LRP1B: variants seen among roughly 807,000 people sequenced by gnomAD.
LRP1B encodes LDL receptor related protein 1B.
In LRP1B, 217 loss-of-function variants were observed where a neutral mutation model predicts 556.6. That is an observed-to-expected ratio of 0.39 (90% confidence interval 0.35 to 0.44). The LOEUF (loss-of-function observed/expected upper bound fraction) is 0.44, where lower values mean the gene tolerates loss of function less well. Among genes scored for constraint, LRP1B ranks in the 20% least tolerant of loss-of-function variants. The probability of loss-of-function intolerance (pLI) is 1.00; values close to 1 mark genes in which losing one functional copy is unlikely to be tolerated. For missense variants in LRP1B, 5,053 were observed against 5,620.8 expected, an observed-to-expected ratio of 0.90 and a Z score of 3.23; for synonymous variants, 2,047 against 1,865.8, an observed-to-expected ratio of 1.10 and a Z score of -2.50.
chr2:140,886,658 T>TG (rs201761807), intron 23 of LRP1B, among the ~76,000 whole-genome samples: 1,597 of 152,046 alleles, frequency 0.011, 23 homozygotes, highest in African/African-American at 0.032. Flanking sequence ...GACAACTTAA[T>TG]GCTCAGAAAA....
intron 1 of LRP1B, among the ~76,000 whole-genome samples, chr2:142,067,777 C>T (rs1234849302): frequency 6.6e-6 from 1 of 151,588 alleles, no homozygotes; most frequent in Non-Finnish European, 1.5e-5. Flanking sequence ...TGAAAATCTA[C>T]AGACCATAGC....
intron 1 of LRP1B, among the ~76,000 whole-genome samples, chr2:141,926,816 T>C (rs1431230085): frequency 2.6e-5 from 4 of 152,168 alleles, no homozygotes; most frequent in East Asian, 1.9e-4. Context: ...AACCACAACG[T>C]TGTCAATACA....
At chr2:140,538,458 TA>T (rs1257820630) in intron 45 of LRP1B, among the ~76,000 whole-genome samples, 4 of 152,156 alleles carry the variant, frequency 2.6e-5, no homozygotes, top group Admixed American at 1.3e-4. Flanking sequence ...CTCCCAGTTA[TA>T]AATTAGAACA....
chr2:141,998,313 AAAAC>A (rs997443546), intron 1 of LRP1B, among the ~76,000 whole-genome samples: 10 of 152,190 alleles, frequency 6.6e-5, no homozygotes, highest in East Asian at 1.9e-4. Flanking sequence ...AAAAAGAGAA[AAAAC>A]AAACAAACAA....
chr2:141,298,234 A>G (rs1686255142), intron 3 of LRP1B, among the ~76,000 whole-genome samples: 2 of 152,192 alleles, frequency 1.3e-5, no homozygotes, highest in African/African-American at 4.8e-5. Context: ...TGTGTAGTAA[A>G]AATGTGGCCT....
At chr2:141,565,100 C>A (rs1183697940) in intron 2 of LRP1B, among the ~76,000 whole-genome samples, 1 of 152,036 alleles carries the variant, frequency 6.6e-6, no homozygotes, top group Non-Finnish European at 1.5e-5. Context: ...ACTATTAGAG[C>A]CACCTAAATA....
chr2:140,299,846 G>A (rs754654055), intron 83 of LRP1B, among the ~76,000 whole-genome samples: 11 of 152,092 alleles, frequency 7.2e-5, no homozygotes, highest in Admixed American at 2.6e-4. Flanking sequence ...TAAACAGTGC[G>A]TAAAGTACAA....
chr2:140,735,278 C>A (rs1002200788), intron 35 of LRP1B, among the ~76,000 whole-genome samples: 14 of 152,146 alleles, frequency 9.2e-5, no homozygotes, highest in African/African-American at 3.4e-4. Context: ...AAAAAGGAAA[C>A]AATGCCTATA....
At position 140,982,273 on chromosome 2, in the gene LRP1B, C is replaced by A; in HGVS notation, c.2774G>T (p.Arg925Ile). The change falls in exon 18 of 91, where the codon AGA (arginine) becomes ATA (isoleucine). Residue 925 changes from arginine (R) to isoleucine (I), a missense_variant. Physicochemically the swap from Arg to Ile is moderately conservative, Grantham distance 97. Around this residue, in one of 5 missense-constraint regions of LRP1B, gnomAD observed 3,619 missense variants for 3,931.9 expected, o/e 0.92. Coordinates refer to ENST00000389484, the MANE Select transcript of LRP1B (RefSeq NM_018557.3). ...AGAAAACTGGTCTACCTGGCATGTT[C>A]TGGCTATGATGATCAATTAATAAAC... ...EDESNQTCTA[R>I]TCQVDQFSCG... The A allele has an allele frequency of 1.2e-6, 2 of 1,608,106 alleles. No individual in the cohort carries two copies. Among genetic ancestry groups the A allele is most frequent in the Non-Finnish European group, 1.7e-6 (2 of 1,174,970 alleles).
chr2:140,424,079 C>G (rs1472305440), intron 66 of LRP1B, among the ~76,000 whole-genome samples: 2 of 152,054 alleles, frequency 1.3e-5, no homozygotes, highest in African/African-American at 4.8e-5. Context: ...TCTGTATTGA[C>G]AAAATCTGAA....
intron 7 of LRP1B, among the ~76,000 whole-genome samples, chr2:141,073,978 C>T (rs562671301): frequency 6.6e-6 from 1 of 152,166 alleles, no homozygotes; most frequent in East Asian, 1.9e-4. Flanking sequence ...AGCACATTAA[C>T]ATGAAAAGTA....
chr2:141,169,578 G>A, intron 7 of LRP1B, among the ~76,000 whole-genome samples: 1 of 151,552 alleles, frequency 6.6e-6, no homozygotes. Context: ...AATTATGAGG[G>A]CAATAGCGAC....
rs192758965 is a variant in LRP1B, at chr2:140,869,728, G to T, written c.4170-1465C>A. Among the ~76,000 whole-genome samples, 3 of 152,150 alleles carry T rather than the reference G, an allele frequency of 2.0e-5. No individual in the cohort carries two copies. In the East Asian group the frequency reaches 5.8e-4, roughly 29 times the overall value. On this transcript the variant is annotated intron_variant, in intron 25 of 90. Transcript: ENST00000389484. ...TGAGATAAAAAACAGAATCTCAGGA[G>T]ACCATCAGTTTCTTGTTTCAGCAAT... is the stretch of plus-strand genomic sequence containing the variant.
chr2:140,645,295 A>G (rs1454674209), intron 41 of LRP1B, among the ~76,000 whole-genome samples: 1 of 152,086 alleles, frequency 6.6e-6, no homozygotes, highest in African/African-American at 2.4e-5. Context: ...TTTATTATAT[A>G]TGAATATGTA....
chr2:140,465,051 A>G (rs1687486211), intron 60 of LRP1B, among the ~76,000 whole-genome samples: 1 of 152,196 alleles, frequency 6.6e-6, no homozygotes, highest in South Asian at 2.1e-4. Flanking sequence ...TAATTGGCTC[A>G]TGGTTCTTCA....
intron 18 of LRP1B, among the ~76,000 whole-genome samples, chr2:140,957,221 T>TA (rs2105310002): frequency 6.6e-6 from 1 of 151,800 alleles, no homozygotes; most frequent in South Asian, 2.1e-4. Flanking sequence ...ATAAAACTGA[T>TA]ATGAATAATA....
chr2:141,210,283 C>A (rs1682485113), intron 6 of LRP1B, among the ~76,000 whole-genome samples: 1 of 151,472 alleles, frequency 6.6e-6, no homozygotes. Flanking sequence ...TGACAAAAAT[C>A]CATTAGGAAA....
At chr2:140,582,939 A>G (rs923281983) in intron 43 of LRP1B, among the ~76,000 whole-genome samples, 3 of 152,100 alleles carry the variant, frequency 2.0e-5, no homozygotes, top group African/African-American at 7.2e-5. Flanking sequence ...GGGTGATTTG[A>G]CCTTCTTTCC....
intron 1 of LRP1B, among the ~76,000 whole-genome samples, chr2:142,065,429 C>A (rs966377041): frequency 6.6e-6 from 1 of 151,034 alleles, no homozygotes; most frequent in Non-Finnish European, 1.5e-5. Context: ...TGCTTGGCCT[C>A]ATTCTGATCT....
Sources: gnomAD v4.1 joint callset for allele counts (sites outside exome capture counted in the v4.1 genomes callset) on GRCh38, gnomAD v4.1.1 for gene constraint, gnomAD v4.1.1 regional missense constraint, MANE v1.5 for transcripts, NCBI Gene and HGNC (gene_info 2026-07-23, HGNC 2026-07-21) for gene names.